The following ADGRL2 variants were observed in gnomAD, a reference collection of about 807,000 sequenced individuals.
The protein encoded by ADGRL2 is calcium-independent alpha-latrotoxin receptor 2.
ADGRL2 carries 44 observed loss-of-function variants against 157.4 expected under a neutral mutation model. The ratio of observed to expected loss-of-function variants is 0.28; its 90% CI spans 0.22 to 0.36. ADGRL2 has a LOEUF of 0.36. ADGRL2 is among the 10% of genes least tolerant of loss of function. ADGRL2 has a pLI of 1.00. For missense variants in ADGRL2, 1,510 were observed against 1,768.9 expected (o/e 0.85, Z 2.63); for synonymous variants, 585 against 624.7 (o/e 0.94, Z 0.95).
chr1:81,750,187 A>C (rs879557891), intron 1 of ADGRL2, among the ~76,000 whole-genome samples: 1 of 152,166 alleles, frequency 6.6e-6, no homozygotes, highest in Non-Finnish European at 1.5e-5. Flanking sequence ...CACCTAACCT[A>C]TGAAGCTGGG....
chr1:81,930,193 T>G (rs911204975), intron 3 of ADGRL2, among the ~76,000 whole-genome samples: 1 of 152,206 alleles, frequency 6.6e-6, no homozygotes, highest in Non-Finnish European at 1.5e-5. Context: ...CACATAGAGT[T>G]TTAAAAGATT....
chr1:81,867,489 A>G (rs2093575606), intron 2 of ADGRL2, among the ~76,000 whole-genome samples: 3 of 152,236 alleles, frequency 2.0e-5, no homozygotes, highest in African/African-American at 7.2e-5. Context: ...CTACTGATCC[A>G]TGAGAGAAAA....
chr1:81,677,174 G>A lies in ADGRL2; in HGVS notation c.-142-84637G>A, dbSNP rs1034428243. The stretch of plus-strand genomic sequence containing the variant: ...CTAATTTTGTATTTTTAGTAGAGAG[G>A]GGGTTTCGCCACATTGTCCAGGCGG... On this transcript the variant is annotated intron_variant, in intron 3 of 24. Transcript: ENST00000370721. Among the ~76,000 whole-genome samples, 5 of 151,922 alleles carry A rather than the reference G, an allele frequency of 3.3e-5. No homozygotes were observed. The South Asian group carries it at 1.0e-3, about 32-fold the overall frequency.
rs181668811 is a variant in ADGRL2, at chr1:81,550,636, C to T, written c.-247-30240C>T. On this transcript the variant is annotated intron_variant, in intron 2 of 24. Transcript: ENST00000370721. Reference sequence around the variant, plus strand: ...ACACAAATGGCTAATGTTAGCAGCACGCCGAGTTGGCAGTCCTGTCGTCTG... The same window carrying T: ...ACACAAATGGCTAATGTTAGCAGCATGCCGAGTTGGCAGTCCTGTCGTCTG... 1.4e-4 allele frequency among the ~76,000 whole-genome samples: 21 copies of T among 152,236 alleles called. No individual in the cohort carries two copies. The East Asian group carries it at 3.7e-3, about 27-fold the overall frequency.
chr1:81,434,503 T>G (rs2077375890), intron 1 of ADGRL2, among the ~76,000 whole-genome samples: 1 of 152,094 alleles, frequency 6.6e-6, no homozygotes, highest in Admixed American at 6.6e-5. Flanking sequence ...GTCTGGTGCT[T>G]GATGAGGGTA....
In ADGRL2 at chr1:81,309,425, G is replaced by A. The variant is rs80102483; in HGVS notation, c.-302+2916G>A. 9.2e-3 allele frequency among the ~76,000 whole-genome samples: 1,402 copies of A among 152,196 alleles called. 68 individuals carry two copies. The East Asian group carries it at 0.14, about 15-fold the overall frequency. On this transcript the variant is annotated intron_variant, in intron 1 of 24. Coordinates refer to the ADGRL2 transcript ENST00000370721. The stretch of plus-strand genomic sequence containing the variant: ...AACTTAGCCAAGGCCACACAGTTGG[G>A]ACAGAACTGGGATGTGAACCCATTT...
chr1:81,803,113 C>G (rs1046766228), intron 1 of ADGRL2, among the ~76,000 whole-genome samples: 2 of 151,970 alleles, frequency 1.3e-5, no homozygotes, highest in Non-Finnish European at 2.9e-5. Flanking sequence ...GGGCAGGGAG[C>G]CTCGGGAGCT....
At chr1:81,340,235 C>G (rs1243602021) in intron 1 of ADGRL2, among the ~76,000 whole-genome samples, 2 of 152,168 alleles carry the variant, frequency 1.3e-5, no homozygotes, top group Admixed American at 1.3e-4. Context: ...ATCTCTACTT[C>G]AAATATAGAT....
chr1:81,338,803 G>T (rs990949392), intron 1 of ADGRL2, among the ~76,000 whole-genome samples: 5 of 152,032 alleles, frequency 3.3e-5, no homozygotes, highest in Non-Finnish European at 5.9e-5. Flanking sequence ...ACTGAACCCG[G>T]GCAGCTTGGC....
At chr1:81,557,041 A>AAAAAG (rs2080299774) in intron 2 of ADGRL2, 1 of 164,762 alleles carries the variant, frequency 6.1e-6, no homozygotes. Flanking sequence ...AAAAAGAAAG[A>AAAAAG]AAGAAGAAGA....
intron 1 of ADGRL2, among the ~76,000 whole-genome samples, chr1:81,367,592 T>C (rs936151005): frequency 6.6e-6 from 1 of 152,172 alleles, no homozygotes; most frequent in African/African-American, 2.4e-5. Context: ...GGAGTTTCGC[T>C]CTTATTGCCC....
chr1:81,953,399 A>C, intron 10 of ADGRL2, among the ~76,000 whole-genome samples: 1 of 152,142 alleles, frequency 6.6e-6, no homozygotes. Flanking sequence ...TATAGTCATA[A>C]TATATGTGCA....
At chr1:81,897,974 T>TGCA (rs2094422535) in intron 2 of ADGRL2, among the ~76,000 whole-genome samples, 1 of 152,166 alleles carries the variant, frequency 6.6e-6, no homozygotes, top group Non-Finnish European at 1.5e-5. Flanking sequence ...GGCATGAGCC[T>TGCA]GCAGTCCTAA....
chr1:81,731,529 A>G lies in ADGRL2; in HGVS notation c.-142-30282A>G, dbSNP rs747721772. Among the ~76,000 whole-genome samples the G allele has an allele frequency of 1.1e-4, 16 of 151,968 alleles. 1 individual carries two copies. In the South Asian group the frequency reaches 2.9e-3, roughly 28 times the overall value. On this transcript the variant is annotated intron_variant, in intron 1 of 20. Coordinates refer to the ADGRL2 transcript ENST00000359929. Reference sequence around the variant, plus strand: ...CTTTTTTTTTTGCAGCATATATATCATGCTTATTATATATTCAGTTTGAAC... The same window carrying G: ...CTTTTTTTTTTGCAGCATATATATCGTGCTTATTATATATTCAGTTTGAAC...
intron 3 of ADGRL2, among the ~76,000 whole-genome samples, chr1:81,637,346 A>C (rs2082134183): frequency 6.6e-6 from 1 of 152,208 alleles, no homozygotes; most frequent in African/African-American, 2.4e-5. Flanking sequence ...TTCTGAAGAG[A>C]ATATTGAGAA....
At chr1:81,889,772 A>G (rs757742657) in intron 2 of ADGRL2, among the ~76,000 whole-genome samples, 1 of 152,186 alleles carries the variant, frequency 6.6e-6, no homozygotes, top group Non-Finnish European at 1.5e-5. Flanking sequence ...GTTTCAAAGG[A>G]CAGACTGTCT....
intron 1 of ADGRL2, among the ~76,000 whole-genome samples, chr1:81,829,157 C>G (rs924306138): frequency 1.3e-5 from 2 of 152,140 alleles, no homozygotes; most frequent in Non-Finnish European, 2.9e-5. Context: ...GGCAATCCAC[C>G]TGCCTTGGCC....
At chr1:81,855,434 C>T (rs1393792689) in intron 2 of ADGRL2, among the ~76,000 whole-genome samples, 1 of 152,062 alleles carries the variant, frequency 6.6e-6, no homozygotes, top group African/African-American at 2.4e-5. Flanking sequence ...GAGCGAGGCC[C>T]TGTCTCAAAA....
chr1:81,807,223 A>G (rs1350986617), intron 1 of ADGRL2, among the ~76,000 whole-genome samples: 2 of 152,012 alleles, frequency 1.3e-5, no homozygotes, highest in African/African-American at 4.8e-5. Flanking sequence ...TGGATTAAAT[A>G]TGAGTTAATG....
Sources: gnomAD v4.1 joint callset for allele counts (sites outside exome capture counted in the v4.1 genomes callset) on GRCh38, gnomAD v4.1.1 for gene constraint, MANE v1.5 for transcripts, NCBI Gene and HGNC (gene_info 2026-07-23, HGNC 2026-07-21) for gene names.